The following GRM7 variants were observed in gnomAD, a reference collection of about 807,000 sequenced individuals.
The protein encoded by GRM7 is glutamate metabotropic receptor 7.
GRM7 carries 35 observed loss-of-function variants against 84.5 expected under a neutral mutation model. The observed-to-expected ratio is 0.41, with a 90% CI of 0.32 to 0.55. The LOEUF is 0.55. GRM7 is among the 20% of genes least tolerant of loss of function. The probability of loss-of-function intolerance (pLI) is 0.19; values close to 1 mark genes in which losing one functional copy is unlikely to be tolerated. For missense variants in GRM7, 1,003 were observed against 1,194.6 expected, an observed-to-expected ratio of 0.84 and a Z score of 2.36; for synonymous variants, 487 against 455.1, an observed-to-expected ratio of 1.07 and a Z score of -0.89.
chr3:7,140,615 C>T (rs900432543), intron 1 of GRM7, among the ~76,000 whole-genome samples: 5 of 151,848 alleles, frequency 3.3e-5, no homozygotes, highest in African/African-American at 1.2e-4. Flanking sequence ...TGTATTACAG[C>T]TCTTAGCATG....
chr3:7,312,550 G>T (rs1382628822), intron 4 of GRM7, among the ~76,000 whole-genome samples: 4 of 152,142 alleles, frequency 2.6e-5, no homozygotes, highest in African/African-American at 9.7e-5. Flanking sequence ...ACCTCAAGGA[G>T]ACTGTGGATT....
At chr3:7,695,850 C>T (rs1484381923) in intron 9 of GRM7, among the ~76,000 whole-genome samples, 1 of 152,158 alleles carries the variant, frequency 6.6e-6, no homozygotes, top group Non-Finnish European at 1.5e-5. Context: ...TCCTTAATGA[C>T]TATCATCAAC....
At chr3:7,056,315 T>C (rs6795224) in intron 1 of GRM7, among the ~76,000 whole-genome samples, 289 of 152,136 alleles carry the variant, frequency 1.9e-3, no homozygotes, top group African/African-American at 6.5e-3. Flanking sequence ...CAGTTTTTAA[T>C]GCCTGGGAGT....
chr3:6,888,504 C>T (rs1695796752), intron 1 of GRM7, among the ~76,000 whole-genome samples: 1 of 152,096 alleles, frequency 6.6e-6, no homozygotes, highest in South Asian at 2.1e-4. Context: ...TTCCCCATTG[C>T]TTGTTTTTCT....
chr3:7,617,535 G>A (rs1169339413), intron 8 of GRM7, among the ~76,000 whole-genome samples: 7 of 152,048 alleles, frequency 4.6e-5, no homozygotes, highest in African/African-American at 1.7e-4. Context: ...CAATAACCCA[G>A]AAGCCATAAA....
intron 2 of GRM7, among the ~76,000 whole-genome samples, chr3:7,275,163 A>G (rs985963636): frequency 2.6e-5 from 4 of 152,092 alleles, no homozygotes; most frequent in South Asian, 2.1e-4. Flanking sequence ...CCATCTCTCT[A>G]TTTATATTAC....
chr3:6,910,001 A>G (rs1403259006), intron 1 of GRM7, among the ~76,000 whole-genome samples: 2 of 152,116 alleles, frequency 1.3e-5, no homozygotes, highest in Non-Finnish European at 2.9e-5. Flanking sequence ...AAAATTCTAT[A>G]TTAAATCCTT....
At chr3:7,118,133 C>A (rs2125041220) in intron 1 of GRM7, among the ~76,000 whole-genome samples, 1 of 152,252 alleles carries the variant, frequency 6.6e-6, no homozygotes, top group East Asian at 1.9e-4. Context: ...TGCCAGAAAT[C>A]CCAGTACTTT....
chr3:7,029,574 G>A (rs1252695057), intron 1 of GRM7, among the ~76,000 whole-genome samples: 1 of 152,152 alleles, frequency 6.6e-6, no homozygotes, highest in Non-Finnish European at 1.5e-5. Context: ...GAACCTTGAA[G>A]TACCTTGCAA....
At chr3:7,231,184 G>T (rs1182830355) in intron 2 of GRM7, among the ~76,000 whole-genome samples, 1 of 152,160 alleles carries the variant, frequency 6.6e-6, no homozygotes, top group East Asian at 1.9e-4. Context: ...TATGGACACT[G>T]AATTAGGCAT....
chr3:6,963,006 A>G (rs1176568321), intron 1 of GRM7, among the ~76,000 whole-genome samples: 1 of 152,210 alleles, frequency 6.6e-6, no homozygotes, highest in African/African-American at 2.4e-5. Context: ...ATTTCTGGAA[A>G]ACTGCCAAAG....
Position 7,461,679 on chromosome 3 carries a change from G to A in GRM7, c.1472G>A (p.Gly491Asp). Residue 491 changes from glycine to aspartate, a missense_variant, in exon 7 of 10, where the codon GGT becomes GAT. Gly to Asp is a moderately conservative substitution (Grantham distance 94, BLOSUM62 -1). This residue lies in a region of GRM7 where 910 missense variants were observed against 1,126.0 expected (regional missense o/e 0.81). Coordinates refer to ENST00000357716, the MANE Select transcript of GRM7 (RefSeq NM_000844.4). ...QYQTTNTSNP[G>D]YRLIGQWTDE... ...CAGACCACAAACACCAGCAACCCGG[G>A]TTACCGTCTGATCGGGCAGTGGACA... 1 of 1,613,910 alleles carries A rather than the reference G, an allele frequency of 6.2e-7. No homozygotes were observed. Among genetic ancestry groups the A allele is most frequent in the Non-Finnish European group, 8.5e-7 (1 of 1,179,842 alleles).
chr3:7,126,719 A>G (rs912400663), intron 1 of GRM7, among the ~76,000 whole-genome samples: 1 of 152,180 alleles, frequency 6.6e-6, no homozygotes, highest in Non-Finnish European at 1.5e-5. Flanking sequence ...GAAACCATTT[A>G]GGTTGCCCCC....
intron 2 of GRM7, among the ~76,000 whole-genome samples, chr3:7,202,085 C>A (rs1460777307): frequency 3.3e-5 from 5 of 151,820 alleles, no homozygotes. Context: ...GCTATCTATT[C>A]TCCAGTAGCA....
intron 4 of GRM7, among the ~76,000 whole-genome samples, chr3:7,329,346 G>A (rs536489477): frequency 6.6e-6 from 1 of 152,222 alleles, no homozygotes; most frequent in Non-Finnish European, 1.5e-5. Context: ...CCATAAATTG[G>A]TTCACCCTTC....
chr3:7,670,294 G>A (rs925553641), intron 8 of GRM7, among the ~76,000 whole-genome samples: 82 of 152,294 alleles, frequency 5.4e-4, no homozygotes, highest in Middle Eastern at 3.4e-3. Flanking sequence ...GGCAGGACAG[G>A]AAAGATGCAG....
At chr3:6,865,460 A>G (rs1694907048) in intron 1 of GRM7, among the ~76,000 whole-genome samples, 1 of 152,152 alleles carries the variant, frequency 6.6e-6, no homozygotes, top group African/African-American at 2.4e-5. Context: ...CCCTTGCTAC[A>G]TTCTGACTCT....
chr3:6,884,711 T>C (rs1283492373), intron 1 of GRM7, among the ~76,000 whole-genome samples: 1 of 152,000 alleles, frequency 6.6e-6, no homozygotes. Context: ...GCAATTCTCC[T>C]GCCTCAGCCT....
At chr3:7,609,797 AAAGT>A (rs1288399810) in intron 8 of GRM7, among the ~76,000 whole-genome samples, 5 of 152,188 alleles carry the variant, frequency 3.3e-5, no homozygotes, top group Non-Finnish European at 5.9e-5. Context: ...TGGTAAATTT[AAAGT>A]AAAACCAGCC....
Sources: allele counts gnomAD v4.1 joint callset (sites outside exome capture counted in the v4.1 genomes callset), GRCh38; gene constraint gnomAD v4.1.1; regional missense constraint gnomAD v4.1.1; transcripts MANE v1.5; gene names NCBI Gene and HGNC (gene_info 2026-07-23, HGNC 2026-07-21).